BRINP1: variants seen among roughly 807,000 people sequenced by gnomAD.
BRINP1 encodes the protein BMP/retinoic acid inducible neural specific 1.
Under a neutral mutation model 72.9 loss-of-function variants are expected in BRINP1, and 17 were observed. The ratio of observed to expected loss-of-function variants is 0.23; its 90% CI spans 0.16 to 0.35. BRINP1 has a LOEUF of 0.35. Among genes scored for constraint, BRINP1 ranks in the 10% least tolerant of loss-of-function variants. The pLI, the probability that BRINP1 is intolerant of heterozygous loss-of-function variation, is 1.00. For missense variants in BRINP1, 850 were observed against 1,001.6 expected, an observed-to-expected ratio of 0.85 and a Z score of 2.04; for synonymous variants, 418 against 378.5, an observed-to-expected ratio of 1.10 and a Z score of -1.21.
intron 1 of BRINP1, among the ~76,000 whole-genome samples, chr9:119,345,465 G>A (rs991265188): frequency 2.6e-5 from 4 of 152,144 alleles, no homozygotes; most frequent in African/African-American, 9.7e-5. Context: ...TCAGAAAGAG[G>A]AAAATAAGTG....
intron 2 of BRINP1, among the ~76,000 whole-genome samples, chr9:119,265,455 A>C (rs1472460267): frequency 6.6e-6 from 1 of 151,958 alleles, no homozygotes; most frequent in Non-Finnish European, 1.5e-5. Context: ...AAAAAAAAAA[A>C]TTAGCTGGGT....
At chr9:119,296,474 C>T (rs1014929009) in intron 2 of BRINP1, among the ~76,000 whole-genome samples, 148 of 152,104 alleles carry the variant, frequency 9.7e-4, no homozygotes, top group African/African-American at 3.4e-3. Flanking sequence ...CAAAAAATTA[C>T]AACTAGAACT....
intron 2 of BRINP1, among the ~76,000 whole-genome samples, chr9:119,278,543 T>C (rs1830677894): frequency 6.6e-6 from 1 of 152,238 alleles, no homozygotes; most frequent in South Asian, 2.1e-4. Context: ...AGGGATGCCC[T>C]GTAAGAAGTG....
At chr9:119,218,207 T>A (rs1013804394) in intron 5 of BRINP1, among the ~76,000 whole-genome samples, 10 of 35,666 alleles carry the variant, frequency 2.8e-4, no homozygotes, top group South Asian at 3.0e-3. Flanking sequence ...AATAAATATT[T>A]TTTTTTTTTT....
intron 5 of BRINP1, among the ~76,000 whole-genome samples, chr9:119,215,869 G>A (rs372384476): frequency 6.6e-6 from 1 of 151,520 alleles, no homozygotes; most frequent in East Asian, 1.9e-4. Context: ...TGCACGGTGT[G>A]GTCAAAAACC....
intron 7 of BRINP1, among the ~76,000 whole-genome samples, chr9:119,174,412 A>G (rs1829456810): frequency 1.3e-5 from 2 of 150,140 alleles, no homozygotes; most frequent in South Asian, 2.1e-4. Context: ...CAAAACCACA[A>G]TGAGATACCA....
chr9:119,218,351 G>A (rs1041241682), intron 5 of BRINP1, among the ~76,000 whole-genome samples: 3 of 151,820 alleles, frequency 2.0e-5, no homozygotes, highest in Non-Finnish European at 4.4e-5. Flanking sequence ...CAACATGTTG[G>A]TCAGGATGGT....
At chr9:119,350,901 T>C (rs535266769) in intron 1 of BRINP1, among the ~76,000 whole-genome samples, 59 of 145,202 alleles carry the variant, frequency 4.1e-4, no homozygotes, top group African/African-American at 1.2e-3. Flanking sequence ...TGTATTTATG[T>C]CTTTTTTTTT....
At chr9:119,295,375 A>G (rs1289242427) in intron 2 of BRINP1, among the ~76,000 whole-genome samples, 2 of 152,168 alleles carry the variant, frequency 1.3e-5, no homozygotes, top group Non-Finnish European at 2.9e-5. Context: ...ATCACAGAGT[A>G]TACTTGCACC....
intron 7 of BRINP1, among the ~76,000 whole-genome samples, chr9:119,177,378 TTGAC>T (rs1227297074): frequency 2.0e-5 from 3 of 152,070 alleles, no homozygotes; most frequent in Non-Finnish European, 4.4e-5. Flanking sequence ...AACCAGAACA[TTGAC>T]TGAATATTGG....
At chr9:119,333,875 A>G (rs564680267) in intron 1 of BRINP1, among the ~76,000 whole-genome samples, 44 of 152,248 alleles carry the variant, frequency 2.9e-4, no homozygotes, top group African/African-American at 9.6e-4. Flanking sequence ...AACACAAACC[A>G]TTTTCCATAC....
chr9:119,211,513 A>C (rs570876092), intron 6 of BRINP1, among the ~76,000 whole-genome samples: 66 of 152,060 alleles, frequency 4.3e-4, no homozygotes, highest in Non-Finnish European at 7.2e-4. Context: ...CTTGAATAAA[A>C]GTAGAAGTAC....
intron 1 of BRINP1, among the ~76,000 whole-genome samples, chr9:119,319,735 G>A (rs891123785): frequency 5.1e-4 from 78 of 152,194 alleles, no homozygotes; most frequent in African/African-American, 1.8e-3. Context: ...TTTAACAAAT[G>A]AGCACCTTAG....
chr9:119,362,022 C>T (rs915262652), intron 1 of BRINP1, among the ~76,000 whole-genome samples: 4 of 151,836 alleles, frequency 2.6e-5, no homozygotes, highest in Middle Eastern at 3.4e-3. Context: ...AGGCTGGTCT[C>T]GAACTCCTGA....
chr9:119,343,539 T>C (rs1487320870), intron 1 of BRINP1, among the ~76,000 whole-genome samples: 3 of 152,188 alleles, frequency 2.0e-5, no homozygotes, highest in Non-Finnish European at 4.4e-5. Context: ...TTGAAAGCCA[T>C]TCCTGCCTCC....
intron 2 of BRINP1, among the ~76,000 whole-genome samples, chr9:119,251,039 G>A (rs953882909): frequency 6.6e-6 from 1 of 152,228 alleles, no homozygotes; most frequent in East Asian, 1.9e-4. Context: ...AACTGGGTCT[G>A]AGAAAAGCTT....
chr9:119,173,594 C>T (rs1829444895), intron 7 of BRINP1, among the ~76,000 whole-genome samples: 2 of 151,868 alleles, frequency 1.3e-5, no homozygotes, highest in South Asian at 4.2e-4. Flanking sequence ...TCAATGCCAT[C>T]CCCATCAAGC....
chr9:119,172,538 A>G (rs1175925347), intron 7 of BRINP1, among the ~76,000 whole-genome samples: 4 of 151,656 alleles, frequency 2.6e-5, no homozygotes. Context: ...TCACAGCCGA[A>G]TTCTACCAGA....
In BRINP1 at chr9:119,255,926, G is replaced by C. The variant is rs562803223; in HGVS notation, c.219-6776C>G. ...GCCGGGATCGAGCCACTGCATGCCA[G>C]CCCGGGCAACGGAGCAAGACTCCAG... is the stretch of plus-strand genomic sequence containing the variant. On this transcript the variant is annotated intron_variant, in intron 2 of 7. Transcript: ENST00000265922. Among the ~76,000 whole-genome samples the C allele has an allele frequency of 2.6e-5, 3 of 116,998 alleles. No individual in the cohort carries two copies. The South Asian group carries it at 9.1e-4, about 35-fold the overall frequency. 76.8% of individuals were successfully genotyped at this position (116,998 alleles called of 152,430 possible).
Sources: allele counts gnomAD v4.1 joint callset (sites outside exome capture counted in the v4.1 genomes callset), GRCh38; gene constraint gnomAD v4.1.1; transcripts MANE v1.5; gene names NCBI Gene and HGNC (gene_info 2026-07-23, HGNC 2026-07-21).